Variants in NKAIN1 observed in about 807,000 individuals in gnomAD.
The protein encoded by NKAIN1 is sodium/potassium-transporting ATPase subunit beta-1-interacting protein 1.
Under a neutral mutation model 31.6 loss-of-function variants are expected in NKAIN1, and 13 were observed. The observed-to-expected ratio is 0.41, with a 90% CI of 0.27 to 0.65. The LOEUF is 0.65. NKAIN1 is among the 30% of genes least tolerant of loss of function. The pLI is 0.30. For synonymous variants in NKAIN1, 104 were observed against 109.0 expected, an observed-to-expected ratio of 0.95 and a Z score of 0.28; for missense variants, 193 against 262.2, an observed-to-expected ratio of 0.74 and a Z score of 1.82.
intron 1 of NKAIN1, among the ~76,000 whole-genome samples, chr1:31,212,814 G>A (rs1478292488): frequency 6.6e-6 from 1 of 151,992 alleles, no homozygotes; most frequent in Non-Finnish European, 1.5e-5. Context: ...TCCTGGCTAC[G>A]GTGAAACCCT....
Position 31,188,068 on chromosome 1 carries a change from G to A in NKAIN1, c.174C>T (p.Arg58=), listed in dbSNP as rs1284339871. The A allele has an allele frequency of 6.4e-7, 1 of 1,553,848 alleles. No homozygotes were observed. Among genetic ancestry groups the A allele is most frequent in the South Asian group, 1.2e-5 (1 of 84,144 alleles). ...ILGIFGTVQY[R]SRYLILYAAW... ...GCCGTACCAGGATGAGGTACCGGGA[G>A]CGGTACTGCACGGTGCCAAAGATGC... The change falls in exon 2 of 7, where the codon CGC becomes CGT. Residue 58 remains arginine (R), a synonymous_variant. Transcript: ENST00000373736.
rs541939518 is a variant in NKAIN1, at chr1:31,232,627, T to G, written c.54+6867A>C. Among the ~76,000 whole-genome samples the G allele has an allele frequency of 1.1e-4, 16 of 151,254 alleles. No individual in the cohort carries two copies. In the East Asian group the frequency reaches 1.2e-3, roughly 11 times the overall value. ...TAAAAATACACCTGTAGCCTTAGTC[T>G]GCCTTCCTGTCACCCATCTCTCCTT... On this transcript the variant is annotated intron_variant, in intron 1 of 6. Coordinates refer to ENST00000373736, the MANE Select transcript of NKAIN1 (RefSeq NM_024522.3).
At chr1:31,216,986 C>T (rs997960524) in intron 1 of NKAIN1, among the ~76,000 whole-genome samples, 2 of 152,200 alleles carry the variant, frequency 1.3e-5, no homozygotes, top group African/African-American at 2.4e-5. Flanking sequence ...CCGCCTCAAC[C>T]TCCCAAGTAG....
Position 31,188,458 on chromosome 1 carries a change from C to A in NKAIN1, c.55-271G>T, listed in dbSNP as rs979921923. 6 of 385,772 alleles carry A rather than the reference C, an allele frequency of 1.6e-5. 1 individual carries two copies. The South Asian group carries it at 2.0e-4, about 13-fold the overall frequency. The allele number at this position is 385,772 out of a possible 1,614,324, so 23.9% of individuals were successfully genotyped here. ...TTCCCTCTAGCGGCTCAAGCTCCTG[C>A]ACCTTCTCCATGTGGAGAAGATGGT... On this transcript the variant is annotated intron_variant, in intron 1 of 6. Transcript: ENST00000373736.
At chr1:31,219,768 A>T (rs1315448683) in intron 1 of NKAIN1, among the ~76,000 whole-genome samples, 1 of 152,220 alleles carries the variant, frequency 6.6e-6, no homozygotes, top group Non-Finnish European at 1.5e-5. Flanking sequence ...GGGATCAGGA[A>T]ATCCAGGTTC....
intron 1 of NKAIN1, among the ~76,000 whole-genome samples, chr1:31,200,045 A>ACATGCATG (rs1553162448): frequency 0.58 from 87,221 of 151,386 alleles, 29,067 homozygotes; most frequent in Middle Eastern, 0.78. Context: ...ACACATGCAC[A>ACATGCATG]CGTGCACACA....
intron 1 of NKAIN1, among the ~76,000 whole-genome samples, chr1:31,216,569 A>C (rs930885303): frequency 6.6e-6 from 1 of 152,298 alleles, no homozygotes; most frequent in East Asian, 1.9e-4. Flanking sequence ...CCCCTGGCTC[A>C]TGTCCATGAG....
intron 4 of NKAIN1, among the ~76,000 whole-genome samples, chr1:31,183,468 T>TTTA (rs1645218995): frequency 7.7e-6 from 1 of 129,110 alleles, no homozygotes; most frequent in Admixed American, 7.9e-5. Flanking sequence ...TTTTTTTTTT[T>TTTA]ATGGAGTTTC....
Position 31,181,947 on chromosome 1 carries a change from G to C in NKAIN1, c.533-6C>G, listed in dbSNP as rs1276061987. 1.2e-6 allele frequency: 2 copies of C among 1,604,184 alleles called. No individual in the cohort carries two copies. Among genetic ancestry groups the C allele is most frequent in the South Asian group, 2.2e-5 (2 of 89,220 alleles). On this transcript the variant is annotated splice_region_variant and splice_polypyrimidine_tract_variant and intron_variant, in intron 5 of 6. Coordinates refer to ENST00000373736, the MANE Select transcript of NKAIN1 (RefSeq NM_024522.3). ...AAAGCCGCCGATGAAGTCAACTGCGGAAGAGGGGCGGCGCATGTTAGGGAT... is the reference window on the plus strand; with the variant it reads ...AAAGCCGCCGATGAAGTCAACTGCGCAAGAGGGGCGGCGCATGTTAGGGAT...
At chr1:31,220,003 AT>A (rs11453918) in intron 1 of NKAIN1, among the ~76,000 whole-genome samples, 7,722 of 127,328 alleles carry the variant, frequency 0.061, 230 homozygotes, top group Admixed American at 0.13. Flanking sequence ...GAACACTCAG[AT>A]TTTTTTTTTT....
At chr1:31,218,800 G>A (rs189898662) in intron 1 of NKAIN1, among the ~76,000 whole-genome samples, 1 of 152,350 alleles carries the variant, frequency 6.6e-6, no homozygotes, top group Admixed American at 6.5e-5. Context: ...TTCCCAGGCT[G>A]GGCCCCAGAC....
intron 1 of NKAIN1, among the ~76,000 whole-genome samples, chr1:31,199,319 G>C (rs7545480): frequency 0.65 from 99,313 of 152,030 alleles, 34,790 homozygotes; most frequent in Middle Eastern, 0.83. Context: ...ATGTCCTGAG[G>C]ATTCAGACAG....
intron 1 of NKAIN1, among the ~76,000 whole-genome samples, chr1:31,202,132 T>G (rs2050817): frequency 0.75 from 114,202 of 152,022 alleles, 43,393 homozygotes; most frequent in Middle Eastern, 0.9. Flanking sequence ...AGCAGCAGGC[T>G]CCTGGCCTCT....
At chr1:31,237,791 T>A (rs185195081) in intron 1 of NKAIN1, among the ~76,000 whole-genome samples, 1 of 152,294 alleles carries the variant, frequency 6.6e-6, no homozygotes, top group East Asian at 1.9e-4. Flanking sequence ...CCACGATGCC[T>A]GGCCTAGAAA....
At chr1:31,194,300 C>A (rs1645307020) in intron 1 of NKAIN1, among the ~76,000 whole-genome samples, 1 of 152,140 alleles carries the variant, frequency 6.6e-6, no homozygotes, top group Admixed American at 6.6e-5. Flanking sequence ...TCCTGCCCAT[C>A]AGTCCTCTCT....
chr1:31,225,859 G>A (rs531431252), intron 1 of NKAIN1, among the ~76,000 whole-genome samples: 1 of 152,316 alleles, frequency 6.6e-6, no homozygotes, highest in South Asian at 2.1e-4. Context: ...GGGAAGAGGT[G>A]GGAGAAACTC....
intron 1 of NKAIN1, among the ~76,000 whole-genome samples, chr1:31,205,056 G>A (rs1214574692): frequency 6.6e-6 from 1 of 152,172 alleles, no homozygotes; most frequent in Non-Finnish European, 1.5e-5. Flanking sequence ...TCTACTTCCT[G>A]GATTTGTGGG....
intron 6 of NKAIN1, 56 bp from the exon 7 acceptor site, chr1:31,181,768 G>C: frequency 6.5e-7 from 1 of 1,542,458 alleles, no homozygotes; most frequent in Non-Finnish European, 8.8e-7. Context: ...TGGGGGCGGA[G>C]AGACCCGGTT....
At chr1:31,220,300 A>G (rs1338688580) in intron 1 of NKAIN1, among the ~76,000 whole-genome samples, 1 of 150,946 alleles carries the variant, frequency 6.6e-6, no homozygotes, top group Non-Finnish European at 1.5e-5. Context: ...TACAGGCGTG[A>G]GCCACCACAC....
Sources: allele counts gnomAD v4.1 joint callset (sites outside exome capture counted in the v4.1 genomes callset), GRCh38; gene constraint gnomAD v4.1.1; transcripts MANE v1.5; gene names NCBI Gene and HGNC (gene_info 2026-07-23, HGNC 2026-07-21).